Variants in ZSWIM5 observed in about 807,000 individuals in gnomAD.
ZSWIM5 encodes zinc finger SWIM-type containing 5, also known as zinc finger SWIM domain-containing protein 5.
A neutral mutation model predicts 119.6 loss-of-function variants in ZSWIM5; 55 were observed. The ratio of observed to expected loss-of-function variants is 0.46; its 90% CI spans 0.37 to 0.58. ZSWIM5 has a LOEUF of 0.58. ZSWIM5 is among the 20% of genes least tolerant of loss of function. The pLI, the probability that ZSWIM5 is intolerant of heterozygous loss-of-function variation, is 0.00. For synonymous variants in ZSWIM5, 537 were observed against 606.9 expected (o/e 0.88, Z 1.69); for missense variants, 1,193 against 1,512.8 (o/e 0.79, Z 3.51).
In ZSWIM5 at chr1:45,206,429, C is replaced by A; in HGVS notation, c.-79G>T. ...GAGACCCTGGCCACGGCCACGCGCC[C>A]CGCGCAAGCGCCCAGCGGTGGCGCC... On this transcript the variant is annotated 5_prime_UTR_variant, in exon 1 of 14. Coordinates refer to ENST00000359600, the MANE Select transcript of ZSWIM5 (RefSeq NM_020883.2). The A allele has an allele frequency of 7.9e-7, 1 of 1,260,614 alleles. No homozygotes were observed. The highest frequency in any genetic ancestry group is 1.0e-6 in the Non-Finnish European group (1 of 1,003,938). The allele number at this position is 1,260,614 out of a possible 1,614,324, so 78.1% of individuals were successfully genotyped here. A position where few individuals can be genotyped will look rare whatever the true frequency, so the allele number is the denominator to read the frequency against.
Position 45,017,638 on chromosome 1 carries a change from T to C in ZSWIM5, c.*816A>G, listed in dbSNP as rs1244831105. Reference sequence around the variant, plus strand: ...CTTGCTAACACAAAGGTGACCACAGTAGATGAATATTATGAACTCAGCGGC... The same window carrying C: ...CTTGCTAACACAAAGGTGACCACAGCAGATGAATATTATGAACTCAGCGGC... On this transcript the variant is annotated 3_prime_UTR_variant, in exon 14 of 14. Transcript: ENST00000359600. 1 of 152,206 alleles carries C rather than the reference T, an allele frequency of 6.6e-6. No individual in the cohort carries two copies. Among genetic ancestry groups the C allele is most frequent in the African/African-American group, 2.4e-5 (1 of 41,436 alleles). 9.4% of individuals were successfully genotyped at this position (152,206 alleles called of 1,614,324 possible).
At position 45,088,374 on chromosome 1, in the gene ZSWIM5, A is replaced by G; in HGVS notation, c.596-137T>C. 1 of 632,770 alleles carries G rather than the reference A, an allele frequency of 1.6e-6. No individual in the cohort carries two copies. The highest frequency in any genetic ancestry group is 2.6e-6 in the Non-Finnish European group (1 of 377,790). The allele number at this position is 632,770 out of a possible 1,614,324, so 39.2% of individuals were successfully genotyped here. A position where few individuals can be genotyped will look rare whatever the true frequency, so the allele number is the denominator to read the frequency against. The stretch of plus-strand genomic sequence containing the variant: ...ACACGTACATGATAGGCTTTGCCAC[A>G]GACACAGAGGTCAATGAAATTCAGT... On this transcript the variant is annotated intron_variant, in intron 1 of 13. Transcript: ENST00000359600. The surrounding 1 kb of genome is among the most constrained non-coding windows in gnomAD (Gnocchi z 4.2).
chr1:45,094,770 G>C (rs368003762), intron 1 of ZSWIM5, among the ~76,000 whole-genome samples: 1 of 151,938 alleles, frequency 6.6e-6, no homozygotes, highest in Non-Finnish European at 1.5e-5. Flanking sequence ...CCAGATACTT[G>C]GGGGGTTGAG....
chr1:45,019,184 C>T lies in ZSWIM5; in HGVS notation c.2828G>A (p.Arg943Gln), dbSNP rs376021528. ...GCGAGCACAGCTAGCCAGTTCCTCC[C>T]GCTGTGGATAGTCAAGACTGAGGCG... ...ILRLSLDYPQREELASCARTL... is the reference protein window; with the variant it reads ...ILRLSLDYPQQEELASCARTL... The change falls in exon 14 of 14, where the codon CGG becomes CAG. Residue 943 changes from arginine (R) to glutamine (Q), a missense_variant. Physicochemically the swap from Arg to Gln is conservative, Grantham distance 43. Transcript: ENST00000359600. The surrounding 1 kb of genome is among the most constrained non-coding windows in gnomAD (Gnocchi z 5.0). 1.8e-5 allele frequency: 29 copies of T among 1,613,650 alleles called. No individual in the cohort carries two copies. Among genetic ancestry groups the T allele is most frequent in the South Asian group, 1.3e-4 (12 of 91,056 alleles).
At chr1:45,120,022 T>G (rs1645581712) in intron 1 of ZSWIM5, among the ~76,000 whole-genome samples, 1 of 152,188 alleles carries the variant, frequency 6.6e-6, no homozygotes, top group Non-Finnish European at 1.5e-5. Context: ...CTTTCTAAAT[T>G]CAACCACAGT....
chr1:45,055,949 C>T (rs917336336), intron 4 of ZSWIM5, among the ~76,000 whole-genome samples: 4 of 151,862 alleles, frequency 2.6e-5, no homozygotes, highest in Non-Finnish European at 5.9e-5. Flanking sequence ...GGTAACATAG[C>T]GAGACCCTGT....
At chr1:45,128,110 GACATAGACA>G (rs1274858572) in intron 1 of ZSWIM5, among the ~76,000 whole-genome samples, 2 of 152,060 alleles carry the variant, frequency 1.3e-5, no homozygotes, top group Non-Finnish European at 2.9e-5. Context: ...TTTTTTTGCA[GACATAGACA>G]ACATAGACAA....
intron 4 of ZSWIM5, among the ~76,000 whole-genome samples, chr1:45,053,127 C>CAAAAA (rs60199581): frequency 3.3e-5 from 4 of 122,162 alleles, no homozygotes; most frequent in African/African-American, 3.1e-5. Flanking sequence ...CCGTCTCAAA[C>CAAAAA]AAAAAAAAAA....
chr1:45,145,141 A>G (rs1262135660), intron 1 of ZSWIM5, among the ~76,000 whole-genome samples: 2 of 152,216 alleles, frequency 1.3e-5, no homozygotes, highest in African/African-American at 4.8e-5. Flanking sequence ...GAAAATGAGT[A>G]AAATAAAAAA....
intron 1 of ZSWIM5, among the ~76,000 whole-genome samples, chr1:45,116,711 T>C (rs1570116523): frequency 6.6e-6 from 1 of 152,206 alleles, no homozygotes; most frequent in Non-Finnish European, 1.5e-5. Flanking sequence ...AAAAAATTAT[T>C]TGACTACCTT....
chr1:45,082,137 A>G (rs529539925), intron 2 of ZSWIM5, among the ~76,000 whole-genome samples: 22 of 145,990 alleles, frequency 1.5e-4, no homozygotes, highest in African/African-American at 3.6e-4. Context: ...CAGCATGCTC[A>G]TTAAGAGTCA....
intron 1 of ZSWIM5, among the ~76,000 whole-genome samples, chr1:45,184,121 C>T (rs1252473049): frequency 6.6e-6 from 1 of 152,122 alleles, no homozygotes; most frequent in Non-Finnish European, 1.5e-5. Context: ...TGTAATCCAG[C>T]ATATAAACAG....
rs149926445 is a variant in ZSWIM5 at position 45,079,497 on chromosome 1, C to T, written c.952+8384G>A. Among the ~76,000 whole-genome samples, 1,011 of 152,232 alleles carry T rather than the reference C, an allele frequency of 6.6e-3. 19 individuals are homozygous for T. Among genetic ancestry groups the T allele is most frequent in the African/African-American group, 0.022 (933 of 41,536 alleles). On this transcript the variant is annotated intron_variant, in intron 2 of 13. Transcript: ENST00000359600. ...CTTGTGGTGAATGCTGCCCAGCTTG[C>T]GACTCACCCTTCAGGGCAGTGCACT...
At chr1:45,058,279 G>A (rs1645133977) in intron 4 of ZSWIM5, among the ~76,000 whole-genome samples, 2 of 152,186 alleles carry the variant, frequency 1.3e-5, no homozygotes, top group Non-Finnish European at 2.9e-5. Flanking sequence ...CAGCAGACTC[G>A]GGAAAAGCAA....
At position 45,038,604 on chromosome 1, in the gene ZSWIM5, CTT is replaced by C. The variant is rs55717021; in HGVS notation, c.1894+330_1894+331del. Among the ~76,000 whole-genome samples the C allele has an allele frequency of 1.2e-3, 60 of 48,504 alleles. 1 individual carries two copies. Among genetic ancestry groups the C allele is most frequent in the Non-Finnish European group, 1.7e-3 (48 of 28,510 alleles). The allele number at this position is 48,504 out of a possible 152,430, so 31.8% of individuals were successfully genotyped here. ...GGAGAAAAGGGCTGACGAGGGCAGTCTTTTTTTTTTTTTTTTTAATGAAACAG... is the reference window on the plus strand; with the variant it reads ...GGAGAAAAGGGCTGACGAGGGCAGTCTTTTTTTTTTTTTTTAATGAAACAG... On this transcript the variant is annotated intron_variant, in intron 8 of 13. Coordinates refer to ENST00000359600, the MANE Select transcript of ZSWIM5 (RefSeq NM_020883.2).
chr1:45,101,721 C>T (rs757617341), intron 1 of ZSWIM5, among the ~76,000 whole-genome samples: 8 of 152,064 alleles, frequency 5.3e-5, no homozygotes, highest in African/African-American at 9.7e-5. Context: ...ATAAAAAGGA[C>T]GAGTTCATGT....
chr1:45,154,749 G>A (rs1645817458), intron 1 of ZSWIM5, among the ~76,000 whole-genome samples: 1 of 152,240 alleles, frequency 6.6e-6, no homozygotes, highest in South Asian at 2.1e-4. Flanking sequence ...AGGCATGATG[G>A]CAGGCACCTG....
intron 1 of ZSWIM5, among the ~76,000 whole-genome samples, chr1:45,126,396 GAAC>G (rs1645622449): frequency 6.6e-6 from 1 of 152,044 alleles, no homozygotes; most frequent in South Asian, 2.1e-4. Context: ...TAAATACTAT[GAAC>G]AACTCTACGC....
chr1:45,070,157 G>T (rs1399064285), intron 2 of ZSWIM5: 7 of 1,226,506 alleles, frequency 5.7e-6, no homozygotes, highest in Non-Finnish European at 8.5e-6. Context: ...TAAACAGGAA[G>T]CTGGATGCAA....
Sources: gnomAD v4.1 joint callset for allele counts (sites outside exome capture counted in the v4.1 genomes callset) on GRCh38, gnomAD v4.1.1 for gene constraint, Gnocchi (gnomAD v3.1) non-coding constraint, MANE v1.5 for transcripts, NCBI Gene and HGNC (gene_info 2026-07-23, HGNC 2026-07-21) for gene names.